Variants in TGFBR3 observed in about 807,000 individuals in gnomAD.
TGFBR3 encodes transforming growth factor beta receptor 3.
Under a neutral mutation model 87.9 loss-of-function variants are expected in TGFBR3, and 46 were observed. The observed-to-expected ratio is 0.52, with a 90% CI of 0.41 to 0.67. The LOEUF is 0.67. Ranked by LOEUF, TGFBR3 falls within the 30% of genes least tolerant of loss-of-function variation. The pLI is 0.00. For missense variants in TGFBR3, 866 were observed against 1,041.9 expected (o/e 0.83, Z 2.32); for synonymous variants, 381 against 391.6 (o/e 0.97, Z 0.32).
chr1:91,736,819 G>C (rs375367518), intron 4 of TGFBR3, among the ~76,000 whole-genome samples: 1 of 152,292 alleles, frequency 6.6e-6, no homozygotes, highest in East Asian at 1.9e-4. Flanking sequence ...TGAATGTTTA[G>C]ACGAGAAACC....
intron 4 of TGFBR3, among the ~76,000 whole-genome samples, chr1:91,741,494 T>A (rs1422729787): frequency 6.6e-6 from 1 of 152,132 alleles, no homozygotes; most frequent in African/African-American, 2.4e-5. Context: ...GCATGACTGA[T>A]AAAACCATTG....
intron 2 of TGFBR3, among the ~76,000 whole-genome samples, chr1:91,806,983 G>A (rs1675859178): frequency 6.6e-6 from 1 of 152,208 alleles, no homozygotes; most frequent in Non-Finnish European, 1.5e-5. Flanking sequence ...CGAGCTTCAT[G>A]AGAAGGAATG....
intron 2 of TGFBR3, among the ~76,000 whole-genome samples, chr1:91,861,195 A>G (rs1678173947): frequency 6.6e-6 from 1 of 152,086 alleles, no homozygotes; most frequent in Non-Finnish European, 1.5e-5. Flanking sequence ...TGAGGTCAGG[A>G]GTTTGAAACC....
chr1:91,826,291 T>C (rs1032077719), intron 2 of TGFBR3, among the ~76,000 whole-genome samples: 1 of 152,178 alleles, frequency 6.6e-6, no homozygotes, highest in Admixed American at 6.5e-5. Flanking sequence ...CGCCTCTTCA[T>C]TACCTTGTCC....
At chr1:91,832,134 A>G (rs1252839269) in intron 2 of TGFBR3, among the ~76,000 whole-genome samples, 1 of 152,214 alleles carries the variant, frequency 6.6e-6, no homozygotes, top group African/African-American at 2.4e-5. Context: ...AGATAATTCA[A>G]AGTTATGTCA....
At position 91,712,282 on chromosome 1, in the gene TGFBR3, C is replaced by T. The variant is rs749083874; in HGVS notation, c.2127G>A (p.Leu709=). 1.9e-6 allele frequency: 3 copies of T among 1,614,206 alleles called. No individual in the cohort carries two copies. The South Asian group carries it at 3.3e-5, about 18-fold the overall frequency. ...SLLFLQCELT[L]CTKMEKHPQK... ...GGGGGTGCTTCTCCATCTTCGTACA[C>T]AGCGTCAGCTCACACTGTAGAAAGA... The change falls in exon 13 of 17, where the codon CTG becomes CTA. Residue 709 remains leucine (L), a synonymous_variant. Coordinates refer to ENST00000212355, the MANE Select transcript of TGFBR3 (RefSeq NM_003243.5).
intron 14 of TGFBR3, among the ~76,000 whole-genome samples, chr1:91,705,225 C>CTTTTT (rs35620891): frequency 1.5e-5 from 2 of 135,932 alleles, no homozygotes; most frequent in Non-Finnish European, 3.1e-5. Context: ...AGTCTCTTTT[C>CTTTTT]TTTTTTTTTT....
In TGFBR3 at chr1:91,884,477, T is replaced by C. The variant is rs1184080659; in HGVS notation, c.-114+1401A>G. ...TACCTTATGTGTGTTTCAAGAGATA[T>C]GCGTTCAGCTCAAATAGAAAGCTGA... On this transcript the variant is annotated intron_variant, in intron 1 of 16. Coordinates refer to ENST00000212355, the MANE Select transcript of TGFBR3 (RefSeq NM_003243.5). Among the ~76,000 whole-genome samples, 3 of 152,158 alleles carry C rather than the reference T, an allele frequency of 2.0e-5. No individual in the cohort carries two copies. The South Asian group carries it at 6.2e-4, about 32-fold the overall frequency.
chr1:91,883,621 G>A (rs1025269312), intron 1 of TGFBR3, among the ~76,000 whole-genome samples: 23 of 152,050 alleles, frequency 1.5e-4, no homozygotes, highest in Admixed American at 1.3e-4. Flanking sequence ...ACTCCCCACG[G>A]GTTGCCTTTG....
In TGFBR3 at chr1:91,724,526, G is replaced by A. The variant is rs1557677933; in HGVS notation, c.886-2382C>T. Reference sequence around the variant, plus strand: ...CTGTCCTTTTGCACCAATGTGGAATGAGCTGTTTGCACCTTTCCAGATTAA... The same window carrying A: ...CTGTCCTTTTGCACCAATGTGGAATAAGCTGTTTGCACCTTTCCAGATTAA... On this transcript the variant is annotated intron_variant, in intron 7 of 16. Coordinates refer to ENST00000212355, the MANE Select transcript of TGFBR3 (RefSeq NM_003243.5). 3.3e-5 allele frequency among the ~76,000 whole-genome samples: 5 copies of A among 152,156 alleles called. No homozygotes were observed. In the South Asian group the frequency reaches 1.0e-3, roughly 32 times the overall value.
At chr1:91,741,397 C>G (rs1673155156) in intron 4 of TGFBR3, among the ~76,000 whole-genome samples, 2 of 152,132 alleles carry the variant, frequency 1.3e-5, no homozygotes, top group Admixed American at 1.3e-4. Context: ...TCCCCCACGC[C>G]CCGGCACCTC....
intron 2 of TGFBR3, among the ~76,000 whole-genome samples, chr1:91,855,087 A>C (rs1677888056): frequency 6.6e-6 from 1 of 152,200 alleles, no homozygotes; most frequent in Non-Finnish European, 1.5e-5. Context: ...CAAAGAGTTC[A>C]GAGCTTTCTG....
intron 2 of TGFBR3, among the ~76,000 whole-genome samples, chr1:91,822,682 T>G (rs1676493669): frequency 6.6e-6 from 1 of 152,156 alleles, no homozygotes; most frequent in Admixed American, 6.5e-5. Flanking sequence ...ATCCTAGCAC[T>G]TTGAGAGACC....
chr1:91,773,622 C>A (rs1481505925), intron 3 of TGFBR3, among the ~76,000 whole-genome samples: 1 of 152,132 alleles, frequency 6.6e-6, no homozygotes, highest in African/African-American at 2.4e-5. Flanking sequence ...GCAGAGGTTG[C>A]GGTGAGCCGA....
chr1:91,878,581 T>C (rs1388497201), intron 1 of TGFBR3, among the ~76,000 whole-genome samples: 2 of 152,198 alleles, frequency 1.3e-5, no homozygotes, highest in African/African-American at 4.8e-5. Flanking sequence ...TGTTCTCACC[T>C]ATAAAAGGTA....
At chr1:91,828,300 C>T (rs1445221860) in intron 2 of TGFBR3, among the ~76,000 whole-genome samples, 1 of 152,216 alleles carries the variant, frequency 6.6e-6, no homozygotes, top group African/African-American at 2.4e-5. Context: ...CTCCACACCC[C>T]CGTCAATATT....
chr1:91,846,304 C>G (rs954639372), intron 2 of TGFBR3, among the ~76,000 whole-genome samples: 1 of 152,152 alleles, frequency 6.6e-6, no homozygotes, highest in African/African-American at 2.4e-5. Flanking sequence ...TGAATTCACC[C>G]CATACCATTA....
chr1:91,800,118 G>A (rs1321362896), intron 2 of TGFBR3, among the ~76,000 whole-genome samples: 1 of 151,502 alleles, frequency 6.6e-6, no homozygotes, highest in Admixed American at 6.6e-5. Context: ...GAGGCCAGGT[G>A]CAATGGCTCA....
intron 1 of TGFBR3, among the ~76,000 whole-genome samples, chr1:91,864,557 A>G (rs988845239): frequency 6.6e-6 from 1 of 152,230 alleles, no homozygotes; most frequent in Non-Finnish European, 1.5e-5. Context: ...CTGTTCAAAA[A>G]GAAAATAAAC....
Sources: allele counts gnomAD v4.1 joint callset (sites outside exome capture counted in the v4.1 genomes callset), GRCh38; gene constraint gnomAD v4.1.1; transcripts MANE v1.5; gene names NCBI Gene and HGNC (gene_info 2026-07-23, HGNC 2026-07-21).